Variants in LIPI observed in about 807,000 individuals in gnomAD.
LIPI encodes lipase member I.
A neutral mutation model predicts 50.6 loss-of-function variants in LIPI; 59 were observed. That is an observed-to-expected ratio of 1.16 (90% CI 0.94 to 1.45). The LOEUF (loss-of-function observed/expected upper bound fraction) is 1.45, where lower values mean the gene tolerates loss of function less well. LIPI is among the 40% of genes most tolerant of loss of function. The pLI, the probability that LIPI is intolerant of heterozygous loss-of-function variation, is 0.00. For missense variants in LIPI, 586 were observed against 536.3 expected (o/e 1.09, Z -0.92); for synonymous variants, 203 against 178.2 (o/e 1.14, Z -1.11).
intron 1 of LIPI, among the ~76,000 whole-genome samples, chr21:14,190,191 C>A (rs1422099953): frequency 6.6e-6 from 1 of 151,920 alleles, no homozygotes; most frequent in African/African-American, 2.4e-5. Context: ...ATCTATCTAC[C>A]CTAGAAAGAA....
chr21:14,206,999 G>T, intron 1 of LIPI: 1 of 1,005,046 alleles, frequency 9.9e-7, no homozygotes, highest in Non-Finnish European at 1.6e-6. Context: ...TTTTGGGCCA[G>T]CAGAATTCCA....
intron 4 of LIPI, among the ~76,000 whole-genome samples, chr21:14,180,443 G>T (rs1177153533): frequency 6.6e-6 from 1 of 152,164 alleles, no homozygotes; most frequent in Non-Finnish European, 1.5e-5. Flanking sequence ...TGGACCAGCT[G>T]TAAAATTCCT....
intron 9 of LIPI, among the ~76,000 whole-genome samples, chr21:14,125,374 C>A (rs182944584): frequency 0.013 from 1,971 of 152,138 alleles, 20 homozygotes; most frequent in Middle Eastern, 0.061. Context: ...AAGTTATAAA[C>A]CCTAAATAAA....
chr21:14,124,467 G>A lies in LIPI; in HGVS notation c.1296-15387C>T, dbSNP rs142403402. ...GCCTGTTTTTCCTTCTGTGCTCAGCGAGCCTTATCTGTACTTGCTAGTTTC... is the reference window on the plus strand; with the variant it reads ...GCCTGTTTTTCCTTCTGTGCTCAGCAAGCCTTATCTGTACTTGCTAGTTTC... On this transcript the variant is annotated intron_variant, in intron 9 of 9. Transcript: ENST00000681601. 1.4e-3 allele frequency among the ~76,000 whole-genome samples: 211 copies of A among 152,192 alleles called. 2 individuals carry two copies. Among genetic ancestry groups the A allele is most frequent in the African/African-American group, 5.0e-3 (208 of 41,508 alleles).
chr21:14,209,859 T>C (rs2020319896), intron 1 of LIPI, among the ~76,000 whole-genome samples: 1 of 151,976 alleles, frequency 6.6e-6, no homozygotes, highest in South Asian at 2.1e-4. Flanking sequence ...TATTTTACAT[T>C]ATAATAACAT....
In LIPI at chr21:14,210,871, G is replaced by A; in HGVS notation, c.-26C>T. ...TTGGAATCTGAGAAAAGCAAAAACA[G>A]CACTCAATTCACCAAAAAGGAAATT... On this transcript the variant is annotated 5_prime_UTR_variant, in exon 1 of 10. Transcript: ENST00000681601. The A allele has an allele frequency of 8.2e-7, 1 of 1,215,866 alleles. No homozygotes were observed. The highest frequency in any genetic ancestry group is 1.0e-6 in the Non-Finnish European group (1 of 954,888). The allele number at this position is 1,215,866 out of a possible 1,614,324, so 75.3% of individuals were successfully genotyped here. A position where few individuals can be genotyped will look rare whatever the true frequency, so the allele number is the denominator to read the frequency against.
chr21:14,171,460 A>G (rs1371477138), intron 4 of LIPI, among the ~76,000 whole-genome samples: 1 of 151,186 alleles, frequency 6.6e-6, no homozygotes, highest in East Asian at 1.9e-4. Context: ...ACCTGACTTC[A>G]AACTATACTA....
intron 6 of LIPI, among the ~76,000 whole-genome samples, 170 bp from the exon 7 acceptor site, chr21:14,163,693 A>C (rs1382023251): frequency 3.6e-5 from 5 of 139,636 alleles, no homozygotes; most frequent in Non-Finnish European, 6.5e-5. Flanking sequence ...CATTTATTTT[A>C]ATTACAATAA....
In LIPI at chr21:14,156,832, A is replaced by G. The variant is rs979777358; in HGVS notation, c.1007-4148T>C. Among the ~76,000 whole-genome samples the G allele has an allele frequency of 2.0e-5, 3 of 151,988 alleles. No homozygotes were observed. The East Asian group carries it at 5.8e-4, about 29-fold the overall frequency. On this transcript the variant is annotated intron_variant, in intron 7 of 9. Coordinates refer to ENST00000681601, the MANE Select transcript of LIPI (RefSeq NM_001302998.2). ...TGCTAGTAAGGACACAGGAGGAAAT[A>G]AGGAACATGGCAGAGAAAATACACA...
At chr21:14,135,742 CAACTTGT>C (rs2017473484) in intron 9 of LIPI, among the ~76,000 whole-genome samples, 1 of 152,130 alleles carries the variant, frequency 6.6e-6, no homozygotes, top group South Asian at 2.1e-4. Flanking sequence ...TTCAGGACTG[CAACTTGT>C]AGGTGAGTCC....
intron 8 of LIPI, among the ~76,000 whole-genome samples, chr21:14,146,892 C>T (rs564204432): frequency 3.4e-4 from 50 of 148,580 alleles, no homozygotes; most frequent in African/African-American, 1.2e-3. Context: ...GATTCTCCTG[C>T]CTCAGCTTCC....
chr21:14,147,573 G>A (rs1420814928), intron 8 of LIPI, among the ~76,000 whole-genome samples: 4 of 152,198 alleles, frequency 2.6e-5, no homozygotes, highest in Non-Finnish European at 4.4e-5. Flanking sequence ...TTATATAAGA[G>A]CAGACATTTA....
chr21:14,164,728 C>T (rs566410187), intron 6 of LIPI, among the ~76,000 whole-genome samples: 3 of 152,030 alleles, frequency 2.0e-5, no homozygotes, highest in Non-Finnish European at 4.4e-5. Flanking sequence ...TCAGAAGTAG[C>T]AATACTTAAC....
At chr21:14,139,443 C>T (rs1242220531) in intron 9 of LIPI, among the ~76,000 whole-genome samples, 1 of 151,964 alleles carries the variant, frequency 6.6e-6, no homozygotes, top group Non-Finnish European at 1.5e-5. Context: ...AAAATTGTTC[C>T]ATGCCAATGT....
In LIPI at chr21:14,189,023, C is replaced by T; in HGVS notation, c.432+11G>A. On this transcript the variant is annotated intron_variant, in intron 2 of 9. Coordinates refer to ENST00000681601, the MANE Select transcript of LIPI (RefSeq NM_001302998.2). Reference sequence around the variant, plus strand: ...TATAGCATGTATAATACATAAAATTCCCAGACTTACCAAAAGATTTTTAAT... The same window carrying T: ...TATAGCATGTATAATACATAAAATTTCCAGACTTACCAAAAGATTTTTAAT... The T allele has an allele frequency of 1.3e-6, 2 of 1,599,146 alleles. No individual in the cohort carries two copies. Among genetic ancestry groups the T allele is most frequent in the Non-Finnish European group, 8.5e-7 (1 of 1,177,558 alleles).
chr21:14,168,049 C>T (rs150406495), intron 4 of LIPI, among the ~76,000 whole-genome samples: 3,948 of 152,094 alleles, frequency 0.026, 63 homozygotes, highest in African/African-American at 0.051. Context: ...AGCCAAGGCT[C>T]GAGAACTATG....
intron 9 of LIPI, among the ~76,000 whole-genome samples, chr21:14,113,502 G>A (rs1298439510): frequency 6.6e-6 from 1 of 152,128 alleles, no homozygotes; most frequent in Non-Finnish European, 1.5e-5. Flanking sequence ...AAAATGCAAA[G>A]AGAAAATAGA....
At chr21:14,133,885 C>A (rs1048635418) in intron 9 of LIPI, among the ~76,000 whole-genome samples, 2 of 152,134 alleles carry the variant, frequency 1.3e-5, no homozygotes, top group African/African-American at 4.8e-5. Context: ...TGCAATGCTA[C>A]AACACATTAA....
At chr21:14,188,128 A>G (rs1470798269) in intron 2 of LIPI, among the ~76,000 whole-genome samples, 1 of 152,172 alleles carries the variant, frequency 6.6e-6, no homozygotes, top group African/African-American at 2.4e-5. Flanking sequence ...ACTTTCTTTT[A>G]GGATAGACAT....
Sources: gnomAD v4.1 joint callset for allele counts (sites outside exome capture counted in the v4.1 genomes callset) on GRCh38, gnomAD v4.1.1 for gene constraint, MANE v1.5 for transcripts, NCBI Gene and HGNC (gene_info 2026-07-23, HGNC 2026-07-21) for gene names.